LRRC51: variants seen among roughly 807,000 people sequenced by gnomAD.
LRRC51 encodes leucine-rich repeat-containing protein 51.
In LRRC51, 8 loss-of-function variants were observed where a neutral mutation model predicts 17.8. That is an observed-to-expected ratio of 0.45 (90% CI 0.26 to 0.81). The LOEUF is 0.81. LRRC51 is among the 30% of genes least tolerant of loss of function. LRRC51 has a pLI of 0.17. For missense variants in LRRC51, 233 were observed against 239.3 expected (o/e 0.97, Z 0.17); for synonymous variants, 92 against 96.0 (o/e 0.96, Z 0.24).
chr11:72,086,460 TAGAA>T, intron 1 of LRRC51: 1 of 702,346 alleles, frequency 1.4e-6, no homozygotes. Context: ...AACCAATTGT[TAGAA>T]AGAACAGCTT....
Position 72,088,800 on chromosome 11 carries a change from G to A in LRRC51, c.-55-229G>A, listed in dbSNP as rs188166123. 1.4e-4 allele frequency: 73 copies of A among 538,274 alleles called. 1 individual carries two copies. The highest frequency in any genetic ancestry group is 1.0e-3 in the East Asian group (30 of 29,008). 33.3% of individuals were successfully genotyped at this position (538,274 alleles called of 1,614,324 possible). On this transcript the variant is annotated intron_variant, in intron 2 of 5. Transcript: ENST00000289488. ...CTTCATCTGGCATTTTCCAGACAAA[G>A]AAATGGGTGTTCGATTCTCAAATGA...
chr11:72,088,111 T>C (rs1467372869), intron 1 of LRRC51, among the ~76,000 whole-genome samples, 186 bp from the exon 2 acceptor site: 1 of 152,234 alleles, frequency 6.6e-6, no homozygotes, highest in African/African-American at 2.4e-5. Context: ...GTGATTCACA[T>C]ACAAACCCCT....
chr11:72,081,958 G>T (rs181079272), intron 1 of LRRC51, among the ~76,000 whole-genome samples: 87 of 152,204 alleles, frequency 5.7e-4, no homozygotes, highest in African/African-American at 2.0e-3. Flanking sequence ...CTTGCCCAAG[G>T]CCACACACCA....
Position 72,089,009 on chromosome 11 carries a change from GTCTT to G in LRRC51, c.-55-16_-55-13del. 2 of 1,610,408 alleles carry G rather than the reference GTCTT, an allele frequency of 1.2e-6. No homozygotes were observed. The highest frequency in any genetic ancestry group is 1.7e-6 in the Non-Finnish European group (2 of 1,179,428). ...GAAAGCCGGTGTACTTGAAACACTG[GTCTT>G]TCTCTGTCCTCCCAGGCTGAACCCA... On this transcript the variant is annotated splice_polypyrimidine_tract_variant and intron_variant, in intron 2 of 5. Coordinates refer to ENST00000289488, the MANE Select transcript of LRRC51 (RefSeq NM_145309.6).
rs1486842486 is a variant in LRRC51, at chr11:72,095,735, C to T, written c.*215C>T. Reference sequence around the variant, plus strand: ...TCACACAGGCTGGAGTGCAGTGGCACGATCTTGGCTCACTGCAACCTCAGC... The same window carrying T: ...TCACACAGGCTGGAGTGCAGTGGCATGATCTTGGCTCACTGCAACCTCAGC... On this transcript the variant is annotated 3_prime_UTR_variant, in exon 6 of 6. Transcript: ENST00000289488. The T allele has an allele frequency of 2.4e-6, 3 of 1,265,476 alleles. No individual in the cohort carries two copies. Among genetic ancestry groups the T allele is most frequent in the Admixed American group, 2.9e-5 (1 of 34,892 alleles). The allele number at this position is 1,265,476 out of a possible 1,614,324, so 78.4% of individuals were successfully genotyped here. A position where few individuals can be genotyped will look rare whatever the true frequency, so the allele number is the denominator to read the frequency against.
chr11:72,088,070 C>T (rs1944646409), intron 1 of LRRC51, among the ~76,000 whole-genome samples: 1 of 152,136 alleles, frequency 6.6e-6, no homozygotes, highest in Non-Finnish European at 1.5e-5. Context: ...AAGTTCTTGT[C>T]CTTATCCTTG....
chr11:72,089,151 TCCA>T lies in LRRC51; in HGVS notation c.70_72del (p.His24del), dbSNP rs1350578423. ...CCTCTTGACTACTCCTTCAGAAGCA[TCCA>T]CGTCATTCAAGGTCAGCCCCCAGAG... On this transcript the variant is annotated inframe_deletion, in exon 3 of 6. Coordinates refer to ENST00000289488, the MANE Select transcript of LRRC51 (RefSeq NM_145309.6). The T allele has an allele frequency of 6.2e-7, 1 of 1,614,000 alleles. No individual in the cohort carries two copies. The highest frequency in any genetic ancestry group is 1.3e-5 in the African/African-American group (1 of 74,892).
In LRRC51 at chr11:72,095,581, A is replaced by G. The variant is rs980404368; in HGVS notation, c.*61A>G. 1.7e-5 allele frequency: 27 copies of G among 1,582,872 alleles called. No individual in the cohort carries two copies. The African/African-American group carries it at 3.2e-4, about 19-fold the overall frequency. On this transcript the variant is annotated 3_prime_UTR_variant, in exon 6 of 6. Transcript: ENST00000289488. ...CATAGACAGCATGGTTTGACAATAA[A>G]TAATTTGAGCTGTTGAGCAGATGAG...
intron 1 of LRRC51, among the ~76,000 whole-genome samples, chr11:72,084,919 C>T (rs1944448919): frequency 5.2e-5 from 1 of 19,410 alleles, no homozygotes; most frequent in Non-Finnish European, 2.7e-4. Flanking sequence ...ACCTTATTAG[C>T]TATACATTCT....
intron 3 of LRRC51, chr11:72,089,395 C>T (rs769012399): frequency 2.1e-6 from 3 of 1,452,370 alleles, no homozygotes. Flanking sequence ...AACATGTGCC[C>T]CTGTTTGTTT....
At chr11:72,091,906 A>C (rs615000) in intron 3 of LRRC51, among the ~76,000 whole-genome samples, 137,110 of 152,244 alleles carry the variant, frequency 0.9, 61,918 homozygotes, top group Non-Finnish European at 0.95. Context: ...CACTCACTTC[A>C]ATCTGGCTTC....
chr11:72,095,676 CTTTTT>C lies in LRRC51; in HGVS notation c.*166_*170del, dbSNP rs200241625. 4.7e-5 allele frequency: 60 copies of C among 1,286,922 alleles called. No individual in the cohort carries two copies. The Middle Eastern group carries it at 1.8e-3, about 39-fold the overall frequency. The allele number at this position is 1,286,922 out of a possible 1,614,324, so 79.7% of individuals were successfully genotyped here. On this transcript the variant is annotated 3_prime_UTR_variant, in exon 6 of 6. Coordinates refer to ENST00000289488, the MANE Select transcript of LRRC51 (RefSeq NM_145309.6). ...GCAAGTAGCTCTAGCCTTTTCTTTT[CTTTTT>C]TTTTTTTTTGAGACGGAGTCTCACT...
At chr11:72,086,381 A>T (rs903734660) in intron 1 of LRRC51, 1 of 701,906 alleles carries the variant, frequency 1.4e-6, no homozygotes. Flanking sequence ...AGCACTCAAC[A>T]AATGTTTGCT....
intron 3 of LRRC51, among the ~76,000 whole-genome samples, chr11:72,090,134 A>G (rs899674659): frequency 6.6e-6 from 1 of 152,184 alleles, no homozygotes; most frequent in Non-Finnish European, 1.5e-5. Context: ...CACAGTGGTA[A>G]CTCACGTTTG....
Position 72,095,727 on chromosome 11 carries a change from C to T in LRRC51, c.*207C>T. 7.6e-7 allele frequency: 1 copy of T among 1,320,310 alleles called. No individual in the cohort carries two copies. Among genetic ancestry groups the T allele is most frequent in the South Asian group, 1.5e-5 (1 of 66,554 alleles). 81.8% of individuals were successfully genotyped at this position (1,320,310 alleles called of 1,614,324 possible). A position where few individuals can be genotyped will look rare whatever the true frequency, so the allele number is the denominator to read the frequency against. On this transcript the variant is annotated 3_prime_UTR_variant, in exon 6 of 6. Coordinates refer to ENST00000289488, the MANE Select transcript of LRRC51 (RefSeq NM_145309.6). ...TCACTCTGTCACACAGGCTGGAGTG[C>T]AGTGGCACGATCTTGGCTCACTGCA... is the stretch of plus-strand genomic sequence containing the variant.
At chr11:72,089,649 C>A in intron 3 of LRRC51, 1 of 1,110,060 alleles carries the variant, frequency 9.0e-7, no homozygotes, top group Non-Finnish European at 1.1e-6. Flanking sequence ...TCTGACTGGC[C>A]AAACATGAGG....
Position 72,095,450 on chromosome 11 carries a change from C to T in LRRC51, c.509C>T (p.Thr170Ile), listed in dbSNP as rs1313883220. 2 of 1,614,058 alleles carry T rather than the reference C, an allele frequency of 1.2e-6. No homozygotes were observed. The highest frequency in any genetic ancestry group is 2.2e-5 in the South Asian group (2 of 91,084). ...DFSGVTKADR[T>I]TAEVWKRMNI... is the part of the protein sequence containing the mutation. ...AGTGGGGTCACCAAAGCAGACCGCACCACAGCTGAAGTCTGGAAACGCATG... is the reference window on the plus strand; with the variant it reads ...AGTGGGGTCACCAAAGCAGACCGCATCACAGCTGAAGTCTGGAAACGCATG... Residue 170 changes from threonine (T) to isoleucine (I), a missense_variant, in exon 6 of 6, where the codon ACC becomes ATC. Transcript: ENST00000289488.
intron 1 of LRRC51, among the ~76,000 whole-genome samples, chr11:72,082,998 T>G (rs955095308): frequency 1.3e-5 from 2 of 152,132 alleles, no homozygotes; most frequent in African/African-American, 2.4e-5. Context: ...CCCAGGTAAC[T>G]GGGATTACAG....
intron 3 of LRRC51, among the ~76,000 whole-genome samples, chr11:72,091,975 C>A (rs193277475): frequency 6.6e-6 from 1 of 152,340 alleles, no homozygotes; most frequent in Non-Finnish European, 1.5e-5. Flanking sequence ...CCAGGGACTT[C>A]TAAGTTGCCA....
Sources: gnomAD v4.1 joint callset for allele counts (sites outside exome capture counted in the v4.1 genomes callset) on GRCh38, gnomAD v4.1.1 for gene constraint, MANE v1.5 for transcripts, NCBI Gene and HGNC (gene_info 2026-07-23, HGNC 2026-07-21) for gene names.